Variants in GTF3C2 observed in about 807,000 individuals in gnomAD.
GTF3C2 encodes the protein general transcription factor IIIC subunit 2.
In GTF3C2, 17 loss-of-function variants were observed where a neutral mutation model predicts 117.4. The observed-to-expected ratio is 0.14, with a 90% confidence interval of 0.10 to 0.22. The LOEUF (loss-of-function observed/expected upper bound fraction) is 0.22. Among genes scored for constraint, GTF3C2 ranks in the 10% least tolerant of loss-of-function variants. The pLI, the probability that GTF3C2 is intolerant of heterozygous loss-of-function variation, is 1.00. For synonymous variants in GTF3C2, 437 were observed against 427.0 expected (o/e 1.02, Z -0.29); for missense variants, 888 against 1,143.6 (o/e 0.78, Z 3.22).
rs552282355 is a variant in GTF3C2, at chr2:27,328,202, C to A, written c.2257-13G>T. The A allele has an allele frequency of 2.4e-5, 38 of 1,555,148 alleles. No individual in the cohort carries two copies. In the South Asian group the frequency reaches 4.1e-4, roughly 17 times the overall value. ...CTTTATATATAGGCTGGAAAGGAGACCATGAAATTAGGTTCTATAATACTC... is the reference window on the plus strand; with the variant it reads ...CTTTATATATAGGCTGGAAAGGAGAACATGAAATTAGGTTCTATAATACTC... On this transcript the variant is annotated splice_polypyrimidine_tract_variant and intron_variant, in intron 16 of 18. Coordinates refer to ENST00000264720, the Ensembl canonical transcript of GTF3C2.
chr2:27,333,158 CTTTTTTTT>C (rs1199330474), intron 12 of GTF3C2, among the ~76,000 whole-genome samples: 2 of 130,172 alleles, frequency 1.5e-5, no homozygotes, highest in African/African-American at 5.8e-5. Flanking sequence ...GGCATCTACT[CTTTTTTTT>C]TTTTTTTTTT....
intron 4 of GTF3C2, chr2:27,338,245 T>G (rs1680568102): frequency 5.8e-6 from 3 of 520,686 alleles, no homozygotes; most frequent in Non-Finnish European, 1.0e-5. Context: ...TATTTTCTGT[T>G]CAGCTTCCTC....
At chr2:27,337,522 C>T (rs1458851461) in exon 6 of GTF3C2, 1 of 1,612,370 alleles carries the variant, frequency 6.2e-7, no homozygotes, top group East Asian at 2.2e-5. Context: ...AAGGAATCCA[C>T]TCAGCAAACT....
exon 4 of GTF3C2, chr2:27,341,962 C>T (rs748926188): frequency 2.5e-6 from 4 of 1,614,032 alleles, no homozygotes; most frequent in Non-Finnish European, 2.5e-6. Context: ...GAAGTAGATC[C>T]TCGTGGGGTG....
At chr2:27,331,587 AG>A (rs1680273889) in intron 12 of GTF3C2, among the ~76,000 whole-genome samples, 1 of 151,996 alleles carries the variant, frequency 6.6e-6, no homozygotes, top group South Asian at 2.1e-4. Context: ...GGCCTTCCAA[AG>A]TGCTGGGATT....
intron 1 of GTF3C2, among the ~76,000 whole-genome samples, chr2:27,344,258 A>G (rs566902321): frequency 1.1e-4 from 17 of 152,234 alleles, no homozygotes; most frequent in Admixed American, 2.0e-4. Flanking sequence ...TCCTGACTTC[A>G]GGTGATCCAC....
chr2:27,342,016 G>T, exon 4 of GTF3C2: 1 of 1,613,856 alleles, frequency 6.2e-7, no homozygotes, highest in East Asian at 2.2e-5. Flanking sequence ...CTCTCACTTG[G>T]GCCCTCACTT....
intron 4 of GTF3C2, among the ~76,000 whole-genome samples, chr2:27,338,450 GCGCACGCGCGCACACA>G (rs1558617624): frequency 6.7e-4 from 38 of 57,026 alleles, no homozygotes; most frequent in African/African-American, 1.2e-3. Context: ...AGGCGCGCAC[GCGCACGCGCGCACACA>G]CACACACACA....
rs369771370 is a variant in GTF3C2, at chr2:27,343,093, C to T, written c.302G>A (p.Arg101Gln). ...TTTTCGTGTCCTACCACCTCTCTTC[C>T]GGCCAGGCTTTGAGGCCCTAGGCTT... The change falls in exon 3 of 19, where the codon CGG becomes CAG. Residue 101 changes from arginine to glutamine, a missense_variant. By Grantham distance (43) the Arg-to-Gln change is conservative. Coordinates refer to ENST00000264720, the Ensembl canonical transcript of GTF3C2. 1.3e-5 allele frequency: 21 copies of T among 1,610,200 alleles called. No homozygotes were observed. Among genetic ancestry groups the T allele is most frequent in the Admixed American group, 8.4e-5 (5 of 59,444 alleles).
intron 1 of GTF3C2, among the ~76,000 whole-genome samples, chr2:27,345,452 G>GC (rs1023395575): frequency 4.0e-5 from 6 of 151,832 alleles, no homozygotes; most frequent in African/African-American, 1.2e-4. Flanking sequence ...AATTAGCTGG[G>GC]CATGGTGGCA....
rs780428734 is a variant in GTF3C2, at chr2:27,337,941, T to C, written c.935A>G (p.His312Arg). The stretch of plus-strand genomic sequence containing the variant: ...CAAGTCTCACAAGTCCTTGGTGAGA[T>C]GGAGGCACTTCCAAACAGGAGCCAT... The change falls in exon 5 of 19, where the codon CAT becomes CGT. Residue 312 changes from histidine to arginine, a missense_variant. Physicochemically the swap from His to Arg is conservative, Grantham distance 29. Transcript: ENST00000264720. The C allele has an allele frequency of 5.0e-5, 80 of 1,601,564 alleles. No homozygotes were observed. Among genetic ancestry groups the C allele is most frequent in the Non-Finnish European group, 6.8e-5 (80 of 1,168,568 alleles).
At chr2:27,328,261 G>C (rs1423461679) in intron 16 of GTF3C2, 72 bp from the exon 17 acceptor site, 2 of 1,267,646 alleles carry the variant, frequency 1.6e-6, no homozygotes, top group Non-Finnish European at 2.2e-6. Flanking sequence ...AGTGGTTTGG[G>C]CAGGAAAGGC....
In GTF3C2 at chr2:27,339,212, G is replaced by T. The variant is rs912867738; in HGVS notation, c.856-1192C>A. 5.9e-5 allele frequency among the ~76,000 whole-genome samples: 9 copies of T among 151,918 alleles called. No homozygotes were observed. The South Asian group carries it at 1.7e-3, about 28-fold the overall frequency. ...TCACGAGGTCAGGAGTTCGAGACCA[G>T]CCTAACCAACACGGTGAAACCCCAT... On this transcript the variant is annotated intron_variant, in intron 4 of 18. Coordinates refer to ENST00000264720, the Ensembl canonical transcript of GTF3C2.
chr2:27,337,103 T>C, intron 7 of GTF3C2, 141 bp downstream of exon 7: 1 of 631,866 alleles, frequency 1.6e-6, no homozygotes, highest in South Asian at 2.0e-5. Flanking sequence ...ACTGACCAGC[T>C]CTAGTCAGCA....
At chr2:27,327,490 G>C (rs892178561) in intron 17 of GTF3C2, among the ~76,000 whole-genome samples, 3 of 151,554 alleles carry the variant, frequency 2.0e-5, no homozygotes, top group Admixed American at 6.6e-5. Flanking sequence ...ACGCCCGGCA[G>C]ATTTTTTGTA....
chr2:27,328,925 TC>T lies in GTF3C2; in HGVS notation c.2045del (p.Gly682AspfsTer39). On this transcript the variant is annotated frameshift_variant, in exon 15 of 19. Transcript: ENST00000264720. LOFTEE classifies it high-confidence loss of function. Reference sequence around the variant, plus strand: ...CGTCAATATAATGAATCCCACAGAGTCCATAACTGTTAAAAGAGAAATAAAT... The same window carrying T: ...CGTCAATATAATGAATCCCACAGAGTCATAACTGTTAAAAGAGAAATAAAT... The T allele has an allele frequency of 6.3e-7, 1 of 1,596,970 alleles. No individual in the cohort carries two copies. Among genetic ancestry groups the T allele is most frequent in the Non-Finnish European group, 8.6e-7 (1 of 1,164,948 alleles).
chr2:27,343,124 C>T, exon 3 of GTF3C2: 1 of 1,582,692 alleles, frequency 6.3e-7, no homozygotes, highest in South Asian at 1.2e-5. Flanking sequence ...GGCTTTGAGA[C>T]CTTTGACATC....
At chr2:27,347,455 C>A (rs1481684283) in intron 1 of GTF3C2, among the ~76,000 whole-genome samples, 1 of 152,170 alleles carries the variant, frequency 6.6e-6, no homozygotes, top group East Asian at 1.9e-4. Flanking sequence ...CATTATAACA[C>A]TGCCAAGGTA....
exon 19 of GTF3C2, chr2:27,326,620 T>TA: frequency 7.6e-7 from 1 of 1,307,630 alleles, no homozygotes; most frequent in Non-Finnish European, 1.1e-6. Context: ...GCTCTGTGCA[T>TA]AGGGGCCATT....
Sources: gnomAD v4.1 joint callset for allele counts (sites outside exome capture counted in the v4.1 genomes callset) on GRCh38, gnomAD v4.1.1 for gene constraint, MANE v1.5 for transcripts, NCBI Gene and HGNC (gene_info 2026-07-23, HGNC 2026-07-21) for gene names.